The following GASK1A variants were observed in gnomAD, a reference collection of about 807,000 sequenced individuals.
GASK1A encodes the protein golgi associated kinase 1A, also known as Golgi-associated kinase 1A.
In GASK1A, 40 loss-of-function variants were observed where a neutral mutation model predicts 41.2. The observed-to-expected ratio is 0.97, with a 90% confidence interval of 0.75 to 1.27. The LOEUF (loss-of-function observed/expected upper bound fraction) is 1.27, where lower values mean the gene tolerates loss of function less well. GASK1A is among the 50% of genes most tolerant of loss of function. The pLI, the probability that GASK1A is intolerant of heterozygous loss-of-function variation, is 0.00. For synonymous variants in GASK1A, 316 were observed against 307.1 expected, an observed-to-expected ratio of 1.03 and a Z score of -0.30; for missense variants, 678 against 745.1, an observed-to-expected ratio of 0.91 and a Z score of 1.05.
intron 1 of GASK1A, among the ~76,000 whole-genome samples, chr3:42,992,649 T>C (rs2089347159): frequency 6.6e-6 from 1 of 152,176 alleles, no homozygotes; most frequent in Admixed American, 6.5e-5. Flanking sequence ...GCCTCATCCC[T>C]GGGGATCCAT....
intron 1 of GASK1A, among the ~76,000 whole-genome samples, chr3:42,993,744 T>A (rs1245064127): frequency 3.3e-5 from 5 of 152,210 alleles, no homozygotes. Context: ...AATAATCTTT[T>A]AAAAAATTAA....
Position 43,032,828 on chromosome 3 carries a change from T to G in GASK1A, c.565T>G (p.Ser189Ala). 1 of 1,548,822 alleles carries G rather than the reference T, an allele frequency of 6.5e-7. No homozygotes were observed. Among genetic ancestry groups the G allele is most frequent in the African/African-American group, 1.4e-5 (1 of 73,150 alleles). Reference sequence around the variant, plus strand: ...AGCTTTACCGGCTTGGAGAGCTACTTCTGGGCTGACACTCTGGCCCCATAC... The same window carrying G: ...AGCTTTACCGGCTTGGAGAGCTACTGCTGGGCTGACACTCTGGCCCCATAC... The part of the protein sequence containing the change: ...MAALPAWRAT[S>A]GLTLWPHTAE... Residue 189 changes from serine to alanine, a missense_variant, in exon 2 of 5, where the codon TCT becomes GCT. By Grantham distance (99) the Ser-to-Ala change is moderately conservative. Coordinates refer to ENST00000430121, the MANE Select transcript of GASK1A (RefSeq NM_001129908.3).
chr3:43,008,344 A>G (rs1473823575), intron 1 of GASK1A, among the ~76,000 whole-genome samples: 1 of 152,192 alleles, frequency 6.6e-6, no homozygotes, highest in Non-Finnish European at 1.5e-5. Flanking sequence ...CCACGCCTCC[A>G]TGGTGCCACG....
intron 1 of GASK1A, among the ~76,000 whole-genome samples, chr3:42,999,584 G>A (rs1212750374): frequency 4.6e-5 from 7 of 152,202 alleles, no homozygotes; most frequent in Non-Finnish European, 1.0e-4. Context: ...TTGTTGCCCA[G>A]GGACTCCTAC....
chr3:43,017,192 A>C (rs2089496154), intron 1 of GASK1A, among the ~76,000 whole-genome samples: 1 of 151,354 alleles, frequency 6.6e-6, no homozygotes, highest in Non-Finnish European at 1.5e-5. Flanking sequence ...GTTAGGTCAC[A>C]GGAAGGGTAG....
intron 3 of GASK1A, 89 bp from the exon 4 acceptor site, chr3:43,055,343 G>A (rs2089710631): frequency 2.3e-6 from 2 of 888,100 alleles, no homozygotes; most frequent in East Asian, 2.7e-5. Context: ...GCTCAGGGCT[G>A]TCAGCCCCTT....
At chr3:42,992,533 C>A (rs1261711663) in intron 1 of GASK1A, among the ~76,000 whole-genome samples, 1 of 152,178 alleles carries the variant, frequency 6.6e-6, no homozygotes, top group Non-Finnish European at 1.5e-5. Flanking sequence ...CTAGAACTGT[C>A]AGGAGGATCC....
At chr3:43,026,144 G>A (rs1040206007) in intron 1 of GASK1A, among the ~76,000 whole-genome samples, 1 of 152,172 alleles carries the variant, frequency 6.6e-6, no homozygotes, top group African/African-American at 2.4e-5. Flanking sequence ...TGGGATGGGG[G>A]CAAGTTTAGT....
rs998775565 is a variant in GASK1A at position 42,984,538 on chromosome 3, G to A, written c.3+4893G>A. ...GCATCTGGTGAATCCTGGGGTCAAG[G>A]AGGCTAAGAGTGGAAGGAAAGCAGG... On this transcript the variant is annotated intron_variant, in intron 1 of 4. Coordinates refer to ENST00000430121, the MANE Select transcript of GASK1A (RefSeq NM_001129908.3). This position sits in a 1 kb window ranked among gnomAD's most constrained non-coding sequence, Gnocchi z 4.2. Among the ~76,000 whole-genome samples the A allele has an allele frequency of 1.3e-5, 2 of 152,132 alleles. No homozygotes were observed. The highest frequency in any genetic ancestry group is 2.4e-5 in the African/African-American group (1 of 41,432).
Position 43,033,558 on chromosome 3 carries a change from G to A in GASK1A, c.1290+5G>A. On this transcript the variant is annotated splice_donor_5th_base_variant and intron_variant, in intron 2 of 4. Transcript: ENST00000430121. ...CTCTTCGACTTCCTGTTGCAGGTAG[G>A]TGGGGTTGGGCAGCAGGGGTAGAGA... 6.6e-7 allele frequency: 1 copy of A among 1,521,678 alleles called. No individual in the cohort carries two copies. The highest frequency in any genetic ancestry group is 8.9e-7 in the Non-Finnish European group (1 of 1,129,230). The allele number at this position is 1,521,678 out of a possible 1,614,324, so 94.3% of individuals were successfully genotyped here. A position where few individuals can be genotyped will look rare whatever the true frequency, so the allele number is the denominator to read the frequency against.
intron 2 of GASK1A, among the ~76,000 whole-genome samples, chr3:43,040,386 A>G (rs1426279274): frequency 2.0e-5 from 3 of 152,090 alleles, no homozygotes; most frequent in Non-Finnish European, 4.4e-5. Context: ...TGAGCTTTAT[A>G]TTTTATGTTA....
Position 42,992,839 on chromosome 3 carries a change from A to G in GASK1A, c.3+13194A>G, listed in dbSNP as rs993241054. On this transcript the variant is annotated intron_variant, in intron 1 of 4. Coordinates refer to ENST00000430121, the MANE Select transcript of GASK1A (RefSeq NM_001129908.3). ...CCAGAATCACAGCAGATTCACAAAGACTCCAGGGGTGCCTCGTGGTCAGAA... is the reference window on the plus strand; with the variant it reads ...CCAGAATCACAGCAGATTCACAAAGGCTCCAGGGGTGCCTCGTGGTCAGAA... Among the ~76,000 whole-genome samples the G allele has an allele frequency of 3.9e-5, 6 of 152,242 alleles. No homozygotes were observed. The East Asian group carries it at 7.7e-4, about 20-fold the overall frequency.
At chr3:43,045,442 T>A (rs1227160822) in intron 2 of GASK1A, among the ~76,000 whole-genome samples, 2 of 152,238 alleles carry the variant, frequency 1.3e-5, no homozygotes, top group Non-Finnish European at 2.9e-5. Context: ...TATTGGAATA[T>A]AGCCATGCCT....
In GASK1A at chr3:43,056,324, C is replaced by T; in HGVS notation, c.1666C>T (p.Gln556Ter). ...QVLQTLEQRGQVLLGHIQKHN... is the reference protein window; with the variant it reads ...QVLQTLEQRG ...CCTCCAGACCCTGGAGCAGCGAGGA[C>T]AGGTGCTGCTGGGACACATCCAAAA... is the stretch of plus-strand genomic sequence containing the variant. Residue 556 changes from glutamine to a stop codon, truncating the protein, a stop_gained, in exon 5 of 5, where the codon CAG (glutamine) becomes TAG (stop). Transcript: ENST00000430121. LOFTEE classifies it high-confidence loss of function. 6.4e-7 allele frequency: 1 copy of T among 1,551,502 alleles called. No homozygotes were observed. The highest frequency in any genetic ancestry group is 2.4e-5 in the East Asian group (1 of 40,910).
intron 2 of GASK1A, 131 bp downstream of exon 2, chr3:43,033,684 C>T: frequency 1.2e-6 from 1 of 811,866 alleles, no homozygotes; most frequent in Non-Finnish European, 1.8e-6. Context: ...CACCAAGCAC[C>T]TGCTTTTGTA....
At position 43,033,364 on chromosome 3, in the gene GASK1A, T is replaced by C; in HGVS notation, c.1101T>C (p.Pro367=). The change falls in exon 2 of 5, where the codon CCT becomes CCC. Residue 367 remains proline, a synonymous_variant. Coordinates refer to ENST00000430121, the MANE Select transcript of GASK1A (RefSeq NM_001129908.3). ...GATACACAGACGGTGGAGCAAGGCC[T>C]GTCATCTGGTGGGCACCCGATGTGC... ...PYRYTDGGAR[P]VIWWAPDVQH... is the part of the protein sequence containing the mutation. The C allele has an allele frequency of 6.4e-7, 1 of 1,551,558 alleles. No individual in the cohort carries two copies. Among genetic ancestry groups the C allele is most frequent in the Non-Finnish European group, 8.7e-7 (1 of 1,146,934 alleles).
At chr3:43,034,033 A>G (rs1239288718) in intron 2 of GASK1A, among the ~76,000 whole-genome samples, 1 of 152,234 alleles carries the variant, frequency 6.6e-6, no homozygotes, top group Non-Finnish European at 1.5e-5. Flanking sequence ...ATATCTGTTT[A>G]CACCATGGAA....
chr3:43,019,837 TA>T (rs2089512764), intron 1 of GASK1A, among the ~76,000 whole-genome samples: 1 of 152,016 alleles, frequency 6.6e-6, no homozygotes, highest in Admixed American at 6.5e-5. Flanking sequence ...AGAAAACTCT[TA>T]AAAAACACTT....
Position 43,056,199 on chromosome 3 carries a change from T to TTCTCGC in GASK1A, c.1542_1547dup (p.Leu515_Ala516dup). ...AGGTTTCCTGAGTCTGCCGTGAAGG[T>TTCTCGC]TCTCGCATCAGGGTGTCTACAGAAC... is the stretch of plus-strand genomic sequence containing the variant. On this transcript the variant is annotated inframe_insertion, in exon 5 of 5. Transcript: ENST00000430121. 6.4e-7 allele frequency: 1 copy of TTCTCGC among 1,551,412 alleles called. No homozygotes were observed. Among genetic ancestry groups the TTCTCGC allele is most frequent in the Non-Finnish European group, 8.7e-7 (1 of 1,146,762 alleles).
Sources: allele counts gnomAD v4.1 joint callset (sites outside exome capture counted in the v4.1 genomes callset), GRCh38; gene constraint gnomAD v4.1.1; non-coding constraint Gnocchi (gnomAD v3.1); transcripts MANE v1.5; gene names NCBI Gene and HGNC (gene_info 2026-07-23, HGNC 2026-07-21).